The following TENM3 variants were observed in gnomAD, a reference collection of about 807,000 sequenced individuals.
TENM3 encodes teneurin-3.
A neutral mutation model predicts 255.1 loss-of-function variants in TENM3; 63 were observed. The observed-to-expected ratio is 0.25, with a 90% CI of 0.20 to 0.30. The LOEUF (loss-of-function observed/expected upper bound fraction) is 0.30. TENM3 is among the 10% of genes least tolerant of loss of function. TENM3 has a pLI of 1.00. For missense variants in TENM3, 2,929 were observed against 3,461.1 expected, an observed-to-expected ratio of 0.85 and a Z score of 3.86; for synonymous variants, 1,306 against 1,322.3, an observed-to-expected ratio of 0.99 and a Z score of 0.27.
chr4:181,630,278 CA>C, the TENM3 span, among the ~76,000 whole-genome samples: 5 of 151,936 alleles, frequency 3.3e-5, no homozygotes, highest in Non-Finnish European at 5.9e-5. Flanking sequence ...TTGATCTTTT[CA>C]AAAAACCAGC....
At chr4:182,210,811 G>A (rs749450352) in intron 1 of TENM3, among the ~76,000 whole-genome samples, 1 of 152,008 alleles carries the variant, frequency 6.6e-6, no homozygotes. Context: ...TCCCAACTCC[G>A]CACCTAAGCC....
the TENM3 span, among the ~76,000 whole-genome samples, chr4:181,986,676 C>A: frequency 4.6e-5 from 7 of 152,026 alleles, no homozygotes; most frequent in Admixed American, 1.3e-4. Context: ...TCTCACTCCC[C>A]CTGTCATCTA....
the TENM3 span, among the ~76,000 whole-genome samples, chr4:182,020,386 T>C: frequency 6.6e-6 from 1 of 151,616 alleles, no homozygotes; most frequent in African/African-American, 2.4e-5. Context: ...TAAAAAATAG[T>C]TTAAAAAAGT....
At chr4:181,689,062 A>G in the TENM3 span, among the ~76,000 whole-genome samples, 1 of 152,186 alleles carries the variant, frequency 6.6e-6, no homozygotes, top group African/African-American at 2.4e-5. Context: ...AGCCCCATTC[A>G]TAGAGCAGTA....
At chr4:182,177,825 G>A (rs1339360449) in intron 1 of TENM3, among the ~76,000 whole-genome samples, 2 of 151,858 alleles carry the variant, frequency 1.3e-5, no homozygotes, top group Admixed American at 1.3e-4. Context: ...ACTGTGTCCT[G>A]CTCTTATTGA....
the TENM3 span, among the ~76,000 whole-genome samples, chr4:181,758,567 T>C: frequency 6.6e-6 from 1 of 152,190 alleles, no homozygotes; most frequent in African/African-American, 2.4e-5. Flanking sequence ...ATTAGCTTTT[T>C]AAGCTGTGTT....
the TENM3 span, among the ~76,000 whole-genome samples, chr4:181,832,213 G>T: frequency 2.6e-5 from 4 of 152,036 alleles, no homozygotes; most frequent in Non-Finnish European, 5.9e-5. Context: ...TCTCCACAGT[G>T]GGTCCCCAAG....
At chr4:182,551,807 G>A (rs1234675624) in intron 3 of TENM3, among the ~76,000 whole-genome samples, 1 of 152,016 alleles carries the variant, frequency 6.6e-6, no homozygotes, top group Non-Finnish European at 1.5e-5. Flanking sequence ...GATCGCTTGA[G>A]GCCAGGAGTT....
chr4:182,082,958 T>A, the TENM3 span, among the ~76,000 whole-genome samples: 22,624 of 152,180 alleles, frequency 0.15, 1,926 homozygotes, highest in Middle Eastern at 0.3. Context: ...ATGTCAAATA[T>A]CTACTTTATT....
the TENM3 span, among the ~76,000 whole-genome samples, chr4:182,059,757 A>AAG: frequency 0.035 from 4,563 of 131,758 alleles, 269 homozygotes; most frequent in African/African-American, 0.17. Context: ...AAAAAAAAAA[A>AAG]AAAAAGAAAA....
intron 1 of TENM3, among the ~76,000 whole-genome samples, chr4:182,282,949 T>C (rs925939664): frequency 2.7e-4 from 41 of 150,484 alleles, no homozygotes; most frequent in African/African-American, 1.0e-3. Flanking sequence ...TACATGCTTA[T>C]ATCAGTAATA....
Position 182,800,270 on chromosome 4 carries a change from C to A in TENM3, c.8019C>A (p.Leu2673=). ...AGGGCTACGACGGGTACTACGTACT[C>A]TCGGTGGAGCAGTACCCCGAGCTGG... ...KVQGYDGYYV[L]SVEQYPELAD... The change falls in exon 28 of 28, where the codon CTC becomes CTA. Residue 2673 remains leucine (L), a synonymous_variant. Coordinates refer to ENST00000511685, the MANE Select transcript of TENM3 (RefSeq NM_001080477.4). 1 of 1,594,214 alleles carries A rather than the reference C, an allele frequency of 6.3e-7. No homozygotes were observed.
chr4:182,343,664 C>T (rs975169103), intron 2 of TENM3, among the ~76,000 whole-genome samples: 2 of 151,354 alleles, frequency 1.3e-5, no homozygotes, highest in African/African-American at 2.4e-5. Context: ...TCCTCCACAC[C>T]GCTTGTCGCA....
the TENM3 span, among the ~76,000 whole-genome samples, chr4:181,654,156 A>C: frequency 6.6e-6 from 1 of 151,750 alleles, no homozygotes; most frequent in African/African-American, 2.4e-5. Context: ...CTCCCCAAAT[A>C]ATAGTCCTAA....
chr4:182,559,464 C>A (rs1215918185), intron 3 of TENM3, among the ~76,000 whole-genome samples: 2 of 152,018 alleles, frequency 1.3e-5, no homozygotes, highest in Non-Finnish European at 2.9e-5. Flanking sequence ...ATTCTTTGTT[C>A]TATTTAGAAT....
At chr4:181,618,390 C>T in the TENM3 span, among the ~76,000 whole-genome samples, 1 of 152,200 alleles carries the variant, frequency 6.6e-6, no homozygotes, top group Non-Finnish European at 1.5e-5. Flanking sequence ...CATCCCATTG[C>T]TCGATCACTG....
the TENM3 span, among the ~76,000 whole-genome samples, chr4:182,072,023 G>A: frequency 6.6e-6 from 1 of 152,144 alleles, no homozygotes; most frequent in Admixed American, 6.5e-5. Flanking sequence ...ATTTGTTAGG[G>A]GTTTGTTTCA....
the TENM3 span, among the ~76,000 whole-genome samples, chr4:182,055,622 A>G: frequency 6.6e-6 from 1 of 152,012 alleles, no homozygotes; most frequent in Non-Finnish European, 1.5e-5. Context: ...TGTAGCGCTA[A>G]TTTCCTGCTC....
chr4:181,957,961 G>A, the TENM3 span, among the ~76,000 whole-genome samples: 896 of 152,202 alleles, frequency 5.9e-3, 4 homozygotes, highest in African/African-American at 0.02. Flanking sequence ...GTATTATAAT[G>A]TCATTTTCTT....
Sources: gnomAD v4.1 joint callset for allele counts (sites outside exome capture counted in the v4.1 genomes callset) on GRCh38, gnomAD v4.1.1 for gene constraint, MANE v1.5 for transcripts, NCBI Gene and HGNC (gene_info 2026-07-23, HGNC 2026-07-21) for gene names.